Variants in STT3B observed in about 807,000 individuals in gnomAD.
STT3B encodes the protein STT3 oligosaccharyltransferase complex catalytic subunit B.
In STT3B, 29 loss-of-function variants were observed where a neutral mutation model predicts 96.8. That is an observed-to-expected ratio of 0.30 (90% CI 0.22 to 0.41). The LOEUF is 0.41. STT3B is among the 10% of genes least tolerant of loss of function. The pLI is 1.00. For missense variants in STT3B, 640 were observed against 1,022.3 expected (o/e 0.63, Z 5.10); for synonymous variants, 367 against 360.0 (o/e 1.02, Z -0.22).
intron 1 of STT3B, among the ~76,000 whole-genome samples, chr3:31,568,837 C>T (rs539219352): frequency 6.6e-6 from 1 of 152,102 alleles, no homozygotes; most frequent in African/African-American, 2.4e-5. Flanking sequence ...AAGGAAAATG[C>T]AAAGGCAGCT....
At chr3:31,547,307 T>C (rs1322345203) in intron 1 of STT3B, among the ~76,000 whole-genome samples, 1 of 152,214 alleles carries the variant, frequency 6.6e-6, no homozygotes, top group Non-Finnish European at 1.5e-5. Flanking sequence ...TGCAAAATTA[T>C]AATAGAAGCC....
At chr3:31,628,648 G>T (rs1458086835) in intron 13 of STT3B, among the ~76,000 whole-genome samples, 1 of 152,028 alleles carries the variant, frequency 6.6e-6, no homozygotes, top group Non-Finnish European at 1.5e-5. Flanking sequence ...ATTACCACAG[G>T]AGTCTTTTTA....
At chr3:31,554,611 T>C (rs866679559) in intron 1 of STT3B, among the ~76,000 whole-genome samples, 1 of 152,196 alleles carries the variant, frequency 6.6e-6, no homozygotes, top group South Asian at 2.1e-4. Flanking sequence ...TTTTCAGTGC[T>C]GGTGAGTTTT....
intron 1 of STT3B, among the ~76,000 whole-genome samples, chr3:31,536,594 C>T (rs1056960221): frequency 6.6e-6 from 1 of 152,140 alleles, no homozygotes; most frequent in Non-Finnish European, 1.5e-5. Flanking sequence ...CAGAGTTATA[C>T]TTGTTTTTTA....
At chr3:31,577,761 G>T (rs1185948998) in intron 2 of STT3B, among the ~76,000 whole-genome samples, 1 of 152,146 alleles carries the variant, frequency 6.6e-6, no homozygotes, top group Non-Finnish European at 1.5e-5. Context: ...TCTGCATTGT[G>T]AATTGGAGAA....
rs527396203 is a variant in STT3B at position 31,533,134 on chromosome 3, G to A, written c.136G>A (p.Gly46Ser). ...GGCCCAGTGCGCGCACAAGGCGGCG[G>A]GCGGCGCGGCGCCGCCGAAGCCGGC... Reference protein sequence around the residue: ...PGAQCAHKAAGGAAPPKPAPA... With the variant: ...PGAQCAHKAASGAAPPKPAPA... The change falls in exon 1 of 16, where the codon GGC becomes AGC. Residue 46 changes from glycine to serine, a missense_variant. Gly to Ser is a moderately conservative substitution (Grantham distance 56, BLOSUM62 0). Transcript: ENST00000295770. 2.5e-4 allele frequency: 326 copies of A among 1,302,234 alleles called. 1 individual carries two copies. The East Asian group carries it at 7.3e-3, about 29-fold the overall frequency. The allele number at this position is 1,302,234 out of a possible 1,614,324, so 80.7% of individuals were successfully genotyped here.
rs527320101 is a variant in STT3B at position 31,608,329 on chromosome 3, G to A, written c.878-6776G>A. Among the ~76,000 whole-genome samples, 84 of 152,332 alleles carry A rather than the reference G, an allele frequency of 5.5e-4. 1 individual carries two copies. The highest frequency in any genetic ancestry group is 1.9e-3 in the African/African-American group (81 of 41,564). On this transcript the variant is annotated intron_variant, in intron 5 of 15. Coordinates refer to ENST00000295770, the MANE Select transcript of STT3B (RefSeq NM_178862.3). ...CACTGAAGCTAGTTATTGGGGGAAA[G>A]AGATGGGATTTTCCTTAGATCGGTT...
chr3:31,607,950 A>G (rs555938569), intron 5 of STT3B, among the ~76,000 whole-genome samples: 2 of 152,290 alleles, frequency 1.3e-5, no homozygotes, highest in East Asian at 3.9e-4. Flanking sequence ...ATTTGGGATT[A>G]CACCCCAGTA....
intron 7 of STT3B, among the ~76,000 whole-genome samples, chr3:31,617,400 C>G (rs1369405775): frequency 1.3e-5 from 2 of 151,970 alleles, no homozygotes; most frequent in African/African-American, 4.8e-5. Flanking sequence ...AGTTTACTAA[C>G]AGAATCAGTT....
At chr3:31,563,801 C>A (rs750591078) in intron 1 of STT3B, among the ~76,000 whole-genome samples, 2 of 152,040 alleles carry the variant, frequency 1.3e-5, no homozygotes, top group African/African-American at 4.8e-5. Context: ...GGAAATTAGA[C>A]CCTTATTCAG....
chr3:31,625,044 T>C lies in STT3B; in HGVS notation c.1858T>C (p.Leu620=), dbSNP rs202205034. The C allele has an allele frequency of 4.3e-5, 70 of 1,613,810 alleles. No individual in the cohort carries two copies. The East Asian group carries it at 1.4e-3, about 32-fold the overall frequency. Residue 620 remains leucine, a synonymous_variant, in exon 12 of 16, where the codon TTG becomes CTG. Transcript: ENST00000295770. ...AGCTGGAATGGCTAATAGAACTACG[T>C]TGGTGGATAATAACACCTGGAATAA... is the stretch of plus-strand genomic sequence containing the variant. ...QIAGMANRTT[L]VDNNTWNNSH...
intron 1 of STT3B, among the ~76,000 whole-genome samples, chr3:31,572,896 T>G (rs1164765830): frequency 6.6e-6 from 1 of 152,220 alleles, no homozygotes; most frequent in Non-Finnish European, 1.5e-5. Context: ...ATGCTGTGCT[T>G]GGTGTTGGAG....
chr3:31,627,355 G>A (rs1307562419), intron 13 of STT3B, among the ~76,000 whole-genome samples: 2 of 152,160 alleles, frequency 1.3e-5, no homozygotes, highest in African/African-American at 4.8e-5. Context: ...GATCTGAGGG[G>A]GAACAGTTTC....
intron 13 of STT3B, among the ~76,000 whole-genome samples, chr3:31,628,547 A>C (rs1382072822): frequency 2.0e-5 from 3 of 152,150 alleles, no homozygotes; most frequent in Non-Finnish European, 2.9e-5. Flanking sequence ...AATTCCTGGA[A>C]AAGGAATTTC....
intron 3 of STT3B, among the ~76,000 whole-genome samples, chr3:31,591,515 T>G (rs1698662339): frequency 6.6e-6 from 1 of 152,130 alleles, no homozygotes. Context: ...CCCCTGATTG[T>G]TTAGCCTGTT....
At chr3:31,594,990 G>A (rs1698754430) in intron 3 of STT3B, among the ~76,000 whole-genome samples, 1 of 152,128 alleles carries the variant, frequency 6.6e-6, no homozygotes, top group Non-Finnish European at 1.5e-5. Flanking sequence ...AAGTTCACCA[G>A]ACCCTGTCCT....
intron 1 of STT3B, among the ~76,000 whole-genome samples, chr3:31,537,767 A>G (rs1005698129): frequency 6.6e-6 from 1 of 152,208 alleles, no homozygotes; most frequent in East Asian, 1.9e-4. Context: ...CCAGTTGTTA[A>G]TGAATATGGG....
At chr3:31,602,874 A>G (rs547062806) in intron 5 of STT3B, among the ~76,000 whole-genome samples, 24 of 152,200 alleles carry the variant, frequency 1.6e-4, no homozygotes, top group Middle Eastern at 3.4e-3. Context: ...GATGATTTCT[A>G]GTCTGCTTTC....
At position 31,630,804 on chromosome 3, in the gene STT3B, GT is replaced by G. The variant is rs1479257154; in HGVS notation, c.2187+1403del. Among the ~76,000 whole-genome samples, 10 of 140,356 alleles carry G rather than the reference GT, an allele frequency of 7.1e-5. No homozygotes were observed. In the East Asian group the frequency reaches 1.3e-3, roughly 18 times the overall value. The allele number at this position is 140,356 out of a possible 152,430, so 92.1% of individuals were successfully genotyped here. A position where few individuals can be genotyped will look rare whatever the true frequency, so the allele number is the denominator to read the frequency against. On this transcript the variant is annotated intron_variant, in intron 14 of 15. Coordinates refer to ENST00000295770, the MANE Select transcript of STT3B (RefSeq NM_178862.3). ...CGTGTTTTTTTGTGGTGTTTTTTTTGTTTTTTTTTTGAGAGGGAGTCTCGCT... is the reference window on the plus strand; with the variant it reads ...CGTGTTTTTTTGTGGTGTTTTTTTTGTTTTTTTTTGAGAGGGAGTCTCGCT...
Sources: allele counts gnomAD v4.1 joint callset (sites outside exome capture counted in the v4.1 genomes callset), GRCh38; gene constraint gnomAD v4.1.1; transcripts MANE v1.5; gene names NCBI Gene and HGNC (gene_info 2026-07-23, HGNC 2026-07-21).